The following NELL1 variants were observed in gnomAD, a reference collection of about 807,000 sequenced individuals.
NELL1 encodes the protein protein kinase C-binding protein NELL1.
A neutral mutation model predicts 107.4 loss-of-function variants in NELL1; 76 were observed. That is an observed-to-expected ratio of 0.71 (90% CI 0.59 to 0.86). The LOEUF (loss-of-function observed/expected upper bound fraction) is 0.86. NELL1 is among the 40% of genes least tolerant of loss of function. NELL1 has a pLI of 0.00. For synonymous variants in NELL1, 353 were observed against 341.2 expected (o/e 1.03, Z -0.38); for missense variants, 1,024 against 1,005.5 (o/e 1.02, Z -0.25).
At chr11:21,312,459 C>T (rs1849770068) in intron 14 of NELL1, among the ~76,000 whole-genome samples, 1 of 151,756 alleles carries the variant, frequency 6.6e-6, no homozygotes. Context: ...AATTTAATAA[C>T]ATTGATTAGA....
intron 15 of NELL1, among the ~76,000 whole-genome samples, chr11:21,518,712 T>G (rs190771695): frequency 1.3e-5 from 2 of 152,308 alleles, no homozygotes; most frequent in African/African-American, 4.8e-5. Context: ...TGTGATCTAC[T>G]GAGAGGTAGA....
intron 13 of NELL1, among the ~76,000 whole-genome samples, chr11:21,213,932 A>G (rs1027630208): frequency 6.6e-6 from 1 of 152,186 alleles, no homozygotes; most frequent in Non-Finnish European, 1.5e-5. Flanking sequence ...GTTCTTGGAC[A>G]TTACATTAAA....
At chr11:21,337,768 CTTT>C (rs1410222153) in intron 14 of NELL1, among the ~76,000 whole-genome samples, 12 of 142,070 alleles carry the variant, frequency 8.4e-5, no homozygotes, top group South Asian at 2.4e-4. Flanking sequence ...TTCTTTCTTT[CTTT>C]CTTTCTTTCT....
intron 16 of NELL1, among the ~76,000 whole-genome samples, chr11:21,536,509 T>A (rs1856142871): frequency 6.6e-6 from 1 of 152,176 alleles, no homozygotes; most frequent in African/African-American, 2.4e-5. Context: ...TCCAAAGACT[T>A]GTCACTCCTT....
chr11:21,555,968 TATTGTG>T (rs1445017579), intron 16 of NELL1, among the ~76,000 whole-genome samples: 1 of 151,980 alleles, frequency 6.6e-6, no homozygotes, highest in East Asian at 1.9e-4. Flanking sequence ...ATTTGAAATT[TATTGTG>T]CAGGTTAAAA....
intron 14 of NELL1, among the ~76,000 whole-genome samples, chr11:21,307,198 A>G (rs909050280): frequency 6.6e-6 from 1 of 151,976 alleles, no homozygotes; most frequent in Non-Finnish European, 1.5e-5. Context: ...GTCAACATCG[A>G]CAGCTCTTTG....
intron 15 of NELL1, among the ~76,000 whole-genome samples, chr11:21,467,986 C>A (rs1049243164): frequency 1.3e-5 from 2 of 151,932 alleles, no homozygotes; most frequent in African/African-American, 2.4e-5. Context: ...ATATCTGAAC[C>A]CCCTCAGTGA....
intron 2 of NELL1, among the ~76,000 whole-genome samples, chr11:20,681,730 T>A (rs1192833504): frequency 6.6e-6 from 1 of 152,024 alleles, no homozygotes; most frequent in Non-Finnish European, 1.5e-5. Flanking sequence ...AAAAAAGAGA[T>A]TTATGGGGCT....
At chr11:21,446,035 T>C (rs960990225) in intron 15 of NELL1, among the ~76,000 whole-genome samples, 1 of 152,028 alleles carries the variant, frequency 6.6e-6, no homozygotes, top group South Asian at 2.1e-4. Context: ...TCTTTTTAAT[T>C]TTTTTTCTTT....
chr11:21,507,962 G>A (rs1855331903), intron 15 of NELL1, among the ~76,000 whole-genome samples: 1 of 151,868 alleles, frequency 6.6e-6, no homozygotes, highest in Non-Finnish European at 1.5e-5. Context: ...TGTATCTTTA[G>A]TAGAGATGAG....
intron 13 of NELL1, among the ~76,000 whole-genome samples, chr11:21,200,534 C>T (rs1857245906): frequency 6.6e-6 from 1 of 152,028 alleles, no homozygotes; most frequent in Non-Finnish European, 1.5e-5. Flanking sequence ...TAGATATTAG[C>T]CCCTCATCAA....
chr11:21,500,820 G>A (rs926668685), intron 15 of NELL1, among the ~76,000 whole-genome samples: 8 of 152,030 alleles, frequency 5.3e-5, no homozygotes, highest in African/African-American at 1.9e-4. Context: ...CTGCAAATAA[G>A]TCATTGTTTT....
intron 4 of NELL1, among the ~76,000 whole-genome samples, chr11:20,877,760 C>A (rs1192263151): frequency 1.3e-5 from 2 of 152,138 alleles, no homozygotes; most frequent in East Asian, 3.9e-4. Flanking sequence ...TTTAATTTTA[C>A]ATGGTATTAT....
chr11:20,707,030 C>G (rs1854981457), intron 2 of NELL1, among the ~76,000 whole-genome samples: 1 of 152,226 alleles, frequency 6.6e-6, no homozygotes, highest in Non-Finnish European at 1.5e-5. Context: ...GGTCTTTTCA[C>G]ATAGTCCCAT....
intron 12 of NELL1, among the ~76,000 whole-genome samples, chr11:21,027,579 A>G (rs534312207): frequency 6.6e-6 from 1 of 152,136 alleles, no homozygotes; most frequent in South Asian, 2.1e-4. Context: ...CACTGCAGGT[A>G]TCTCTCAAGG....
intron 17 of NELL1, among the ~76,000 whole-genome samples, chr11:21,570,009 T>TA (rs1014191874): frequency 4.0e-4 from 60 of 151,740 alleles, no homozygotes; most frequent in Middle Eastern, 3.4e-3. Context: ...GCAACAGACA[T>TA]AAAAAAAAGA....
intron 7 of NELL1, among the ~76,000 whole-genome samples, chr11:20,921,560 G>A (rs2134163776): frequency 6.6e-6 from 1 of 152,094 alleles, no homozygotes; most frequent in South Asian, 2.1e-4. Context: ...CTATAAATAG[G>A]GAGTAATATT....
chr11:20,672,713 A>G (rs1853944536), intron 1 of NELL1, among the ~76,000 whole-genome samples: 1 of 152,204 alleles, frequency 6.6e-6, no homozygotes, highest in South Asian at 2.1e-4. Context: ...TGAATAATTG[A>G]AAACTCAATA....
chr11:20,855,768 A>T (rs966585393), intron 4 of NELL1, among the ~76,000 whole-genome samples: 4 of 152,232 alleles, frequency 2.6e-5, no homozygotes, highest in African/African-American at 7.2e-5. Context: ...AAAAAAACAT[A>T]TACACATTCA....
Sources: gnomAD v4.1 joint callset for allele counts (sites outside exome capture counted in the v4.1 genomes callset) on GRCh38, gnomAD v4.1.1 for gene constraint, MANE v1.5 for transcripts, NCBI Gene and HGNC (gene_info 2026-07-23, HGNC 2026-07-21) for gene names.